Variants in TBC1D31 observed in about 807,000 individuals in gnomAD.
TBC1D31 encodes TBC1 domain family member 31.
Under a neutral mutation model 132.9 loss-of-function variants are expected in TBC1D31, and 99 were observed. The ratio of observed to expected loss-of-function variants is 0.74; its 90% CI spans 0.63 to 0.88. The LOEUF is 0.88. Among genes scored for constraint, TBC1D31 ranks in the 40% least tolerant of loss-of-function variants. The pLI is 0.00. For missense variants in TBC1D31, 1,134 were observed against 1,256.6 expected (o/e 0.90, Z 1.48); for synonymous variants, 385 against 419.4 (o/e 0.92, Z 1.00).
In TBC1D31 at chr8:123,084,307, G is replaced by A; in HGVS notation, c.486G>A (p.Lys162=). Residue 162 remains lysine (K), a synonymous_variant, in exon 4 of 22, where the codon AAG becomes AAA. Transcript: ENST00000287380. ...WDLDTFQRKR[K]LNIRQSVGIQ... is the part of the protein sequence containing the mutation. ...TGGATACCTTTCAGAGAAAAAGAAA[G>A]CTGAATATTCGCCAGTCTGTGGGTA... 1.2e-6 allele frequency: 2 copies of A among 1,614,148 alleles called. No homozygotes were observed. Among genetic ancestry groups the A allele is most frequent in the South Asian group, 1.1e-5 (1 of 91,074 alleles).
rs35012698 is a variant in TBC1D31, at chr8:123,139,118, G to GTTT, written c.2500-1631_2500-1629dup. ...CCACTATGCCTGGCACATATTTCTT[G>GTTT]TTTTTTTTTTTTTTCAAACAGTCAT... On this transcript the variant is annotated intron_variant, in intron 17 of 21. Transcript: ENST00000287380. Among the ~76,000 whole-genome samples, 1,334 of 139,434 alleles carry GTTT rather than the reference G, an allele frequency of 9.6e-3. 19 individuals are homozygous for GTTT. The highest frequency in any genetic ancestry group is 0.034 in the African/African-American group (1,298 of 38,282). The allele number at this position is 139,434 out of a possible 152,430, so 91.5% of individuals were successfully genotyped here.
chr8:123,103,298 A>T (rs1003541264), intron 7 of TBC1D31: 4 of 152,154 alleles, frequency 2.6e-5, no homozygotes, highest in Non-Finnish European at 4.4e-5. Flanking sequence ...ATACTATATA[A>T]GTATATTTTT....
the TBC1D31 span, among the ~76,000 whole-genome samples, chr8:123,160,480 G>T: frequency 3.3e-5 from 5 of 152,122 alleles, no homozygotes; most frequent in East Asian, 7.7e-4. Flanking sequence ...AGAGAGAAAG[G>T]GGGCAGGGGA....
intron 2 of TBC1D31, 104 bp downstream of exon 2, chr8:123,077,361 C>A: frequency 8.2e-7 from 1 of 1,221,576 alleles, no homozygotes; most frequent in Non-Finnish European, 1.1e-6. Flanking sequence ...TTATTAAGTT[C>A]TATTATATTT....
chr8:123,089,483 C>G (rs529721035), intron 4 of TBC1D31, among the ~76,000 whole-genome samples: 24 of 152,328 alleles, frequency 1.6e-4, no homozygotes, highest in Admixed American at 1.5e-3. Context: ...AACACTTTAA[C>G]ACGCAGGCTG....
chr8:123,099,973 A>G (rs929501581), intron 6 of TBC1D31, among the ~76,000 whole-genome samples: 1 of 152,112 alleles, frequency 6.6e-6, no homozygotes, highest in Non-Finnish European at 1.5e-5. Context: ...CCACTCCCAC[A>G]ATAACAGCAT....
chr8:123,151,846 A>G lies in TBC1D31; in HGVS notation c.3108A>G (p.Gly1036=). ...NRRAVEWDTT[G]QNLIKKVRNL... The stretch of plus-strand genomic sequence containing the variant: ...GAGCAGTAGAATGGGACACCACGGG[A>G]CAGAATCTTATTAAGAAAGTGAGAA... The change falls in exon 22 of 22, where the codon GGA becomes GGG. Residue 1036 remains glycine, a synonymous_variant. Transcript: ENST00000287380. The G allele has an allele frequency of 6.3e-7, 1 of 1,589,832 alleles. No homozygotes were observed. Among genetic ancestry groups the G allele is most frequent in the Non-Finnish European group, 8.5e-7 (1 of 1,173,076 alleles).
At chr8:123,156,948 C>G (rs1354328042), downstream of TBC1D31, among the ~76,000 whole-genome samples, 2 of 152,174 alleles carry the variant, frequency 1.3e-5, no homozygotes, top group Non-Finnish European at 2.9e-5. Context: ...CGCGACACCC[C>G]CTCCTCCCCC....
At chr8:123,120,963 CTT>C (rs71310658) in intron 11 of TBC1D31, among the ~76,000 whole-genome samples, 9 of 135,810 alleles carry the variant, frequency 6.6e-5, no homozygotes, top group Admixed American at 7.5e-5. Flanking sequence ...ATTTTAACCT[CTT>C]TTTTTTTTTT....
chr8:123,075,652 G>A (rs776146235), intron 1 of TBC1D31, among the ~76,000 whole-genome samples: 13 of 151,660 alleles, frequency 8.6e-5, no homozygotes, highest in Admixed American at 2.0e-4. Flanking sequence ...GCAGTGAGCC[G>A]AGATTGCACC....
At chr8:123,093,035 C>T (rs529315297) in intron 4 of TBC1D31, among the ~76,000 whole-genome samples, 7 of 152,186 alleles carry the variant, frequency 4.6e-5, no homozygotes, top group African/African-American at 1.4e-4. Flanking sequence ...TAGTCCCAAA[C>T]TCCTGACCTC....
chr8:123,141,144 T>A (rs1821622943), intron 18 of TBC1D31, among the ~76,000 whole-genome samples: 1 of 150,238 alleles, frequency 6.7e-6, no homozygotes, highest in Non-Finnish European at 1.5e-5. Context: ...GAATAGTGAC[T>A]TACAAGAAAA....
At chr8:123,159,862 G>A in the TBC1D31 span, among the ~76,000 whole-genome samples, 1 of 151,870 alleles carries the variant, frequency 6.6e-6, no homozygotes, top group Admixed American at 6.6e-5. Flanking sequence ...GGAGGTAGGG[G>A]TGAGAGGAAG....
intron 8 of TBC1D31, among the ~76,000 whole-genome samples, chr8:123,108,078 C>T (rs886430649): frequency 7.2e-5 from 11 of 152,198 alleles, no homozygotes; most frequent in African/African-American, 2.7e-4. Flanking sequence ...CATTCACCAT[C>T]ATCTTAGGTT....
rs1363631032 is a variant in TBC1D31 at position 123,120,056 on chromosome 8, A to G, written c.1438A>G (p.Thr480Ala). ...AATGCTAAGTTATTTTATTCACAGAACCTTATCTGCATTAGCTCACTGGTC... is the reference window on the plus strand; with the variant it reads ...AATGCTAAGTTATTTTATTCACAGAGCCTTATCTGCATTAGCTCACTGGTC... ...SRKLLRVLQR[T>A]LSALAHWSVI... The change falls in exon 11 of 22, where the codon ACC (threonine) becomes GCC (alanine). Residue 480 changes from threonine to alanine, a missense_variant and splice_region_variant. Coordinates refer to ENST00000287380, the MANE Select transcript of TBC1D31 (RefSeq NM_145647.4). 2 of 1,589,884 alleles carry G rather than the reference A, an allele frequency of 1.3e-6. No individual in the cohort carries two copies. Among genetic ancestry groups the G allele is most frequent in the East Asian group, 4.5e-5 (2 of 44,606 alleles).
At position 123,130,334 on chromosome 8, in the gene TBC1D31, G is replaced by A; in HGVS notation, c.2406+1G>A. The A allele has an allele frequency of 1.2e-6, 2 of 1,607,878 alleles. No individual in the cohort carries two copies. The highest frequency in any genetic ancestry group is 1.1e-5 in the South Asian group (1 of 89,386). ...ACTGGATGATGAAATTGGGAGAAAGGTTTATTATTCTTAACTTAGTTCTCA... is the reference window on the plus strand; with the variant it reads ...ACTGGATGATGAAATTGGGAGAAAGATTTATTATTCTTAACTTAGTTCTCA... On this transcript the variant is annotated splice_donor_variant, in intron 16 of 21. Coordinates refer to ENST00000287380, the MANE Select transcript of TBC1D31 (RefSeq NM_145647.4). LOFTEE classifies it high-confidence loss of function.
At chr8:123,156,020 G>T (rs1822977527), downstream of TBC1D31, among the ~76,000 whole-genome samples, 1 of 152,148 alleles carries the variant, frequency 6.6e-6, no homozygotes, top group Non-Finnish European at 1.5e-5. Context: ...ATGAAAAATG[G>T]CAGACTCTCC....
intron 4 of TBC1D31, among the ~76,000 whole-genome samples, chr8:123,088,604 C>A (rs1424634575): frequency 6.6e-6 from 1 of 152,124 alleles, no homozygotes; most frequent in Non-Finnish European, 1.5e-5. Context: ...AACATGTGCC[C>A]CTAAAAACGT....
chr8:123,084,063 A>G lies in TBC1D31; in HGVS notation c.341-99A>G, dbSNP rs920227139. ...AATGGAGGTGCCTCATATAATACCT[A>G]ACCACCCATTGCATCAGTTCATCTA... On this transcript the variant is annotated intron_variant, in intron 3 of 21. Coordinates refer to ENST00000287380, the MANE Select transcript of TBC1D31 (RefSeq NM_145647.4). The G allele has an allele frequency of 4.9e-6, 5 of 1,020,934 alleles. No individual in the cohort carries two copies. In the African/African-American group the frequency reaches 8.0e-5, roughly 16 times the overall value. The allele number at this position is 1,020,934 out of a possible 1,614,324, so 63.2% of individuals were successfully genotyped here.
Sources: allele counts gnomAD v4.1 joint callset (sites outside exome capture counted in the v4.1 genomes callset), GRCh38; gene constraint gnomAD v4.1.1; transcripts MANE v1.5; gene names NCBI Gene and HGNC (gene_info 2026-07-23, HGNC 2026-07-21).